The following AXDND1 variants were observed in gnomAD, a reference collection of about 807,000 sequenced individuals.
The protein encoded by AXDND1 is axonemal dynein light chain domain containing 1, also known as axonemal dynein light chain domain-containing protein 1.
In AXDND1, 110 loss-of-function variants were observed where a neutral mutation model predicts 137.5. The ratio of observed to expected loss-of-function variants is 0.80; its 90% CI spans 0.69 to 0.94. The LOEUF is 0.94. Among genes scored for constraint, AXDND1 ranks in the 40% least tolerant of loss-of-function variants. AXDND1 has a pLI of 0.00. For missense variants in AXDND1, 1,191 were observed against 1,169.8 expected, an observed-to-expected ratio of 1.02 and a Z score of -0.26; for synonymous variants, 414 against 399.7, an observed-to-expected ratio of 1.04 and a Z score of -0.43.
chr1:179,412,458 G>C (rs185950255), intron 12 of AXDND1, among the ~76,000 whole-genome samples: 91 of 152,238 alleles, frequency 6.0e-4, no homozygotes, highest in Middle Eastern at 6.8e-3. Flanking sequence ...TTAGAGCTCT[G>C]TATTAACCCT....
chr1:179,490,901 A>G (rs1209393850), intron 18 of AXDND1, among the ~76,000 whole-genome samples: 1 of 152,136 alleles, frequency 6.6e-6, no homozygotes, highest in Non-Finnish European at 1.5e-5. Flanking sequence ...GATGTTACAT[A>G]TTACTGTTAT....
In AXDND1 at chr1:179,385,259, T is replaced by C. The variant is rs746095759; in HGVS notation, c.763T>C (p.Leu255=). 53 of 1,610,476 alleles carry C rather than the reference T, an allele frequency of 3.3e-5. No individual in the cohort carries two copies. Among genetic ancestry groups the C allele is most frequent in the Admixed American group, 2.3e-4 (14 of 60,004 alleles). The change falls in exon 9 of 26, where the codon TTG becomes CTG. Residue 255 remains leucine, a synonymous_variant. Coordinates refer to ENST00000367618, the MANE Select transcript of AXDND1 (RefSeq NM_144696.6). ...PTKMHKLLHI[L]KKEQTIYNMI... is the part of the protein sequence containing the mutation. Reference sequence around the variant, plus strand: ...ACAGATGCACAAACTACTACATATATTGAAGAAGGAACAGACCATTTACAA... The same window carrying C: ...ACAGATGCACAAACTACTACATATACTGAAGAAGGAACAGACCATTTACAA...
At chr1:179,440,831 G>A (rs915947376) in intron 15 of AXDND1, among the ~76,000 whole-genome samples, 7 of 152,132 alleles carry the variant, frequency 4.6e-5, no homozygotes, top group Non-Finnish European at 2.9e-5. Context: ...CTATGCGACC[G>A]GCTACATTTA....
In AXDND1 at chr1:179,392,702, A is replaced by G. The variant is rs139268912; in HGVS notation, c.864-1201A>G. On this transcript the variant is annotated intron_variant, in intron 9 of 25. Transcript: ENST00000367618. ...GGGTGATATTTCATTGTAGTTTTAA[A>G]TTGCATTTTCTTGATAATTAGTGAT... Among the ~76,000 whole-genome samples, 1,414 of 152,106 alleles carry G rather than the reference A, an allele frequency of 9.3e-3. 12 individuals carry two copies. The highest frequency in any genetic ancestry group is 0.018 in the Admixed American group (275 of 15,272).
chr1:179,388,183 G>C (rs965421308), intron 9 of AXDND1, among the ~76,000 whole-genome samples: 6 of 152,174 alleles, frequency 3.9e-5, no homozygotes, highest in African/African-American at 1.2e-4. Context: ...CTGATATCCA[G>C]TGTCTTAAAA....
chr1:179,535,184 C>A, intron 25 of AXDND1: 1 of 590,070 alleles, frequency 1.7e-6, no homozygotes. Context: ...TAAAGTAGCT[C>A]AGATACAATT....
chr1:179,524,397 CT>C (rs373454550), intron 21 of AXDND1, among the ~76,000 whole-genome samples: 1 of 152,130 alleles, frequency 6.6e-6, no homozygotes, highest in African/African-American at 2.4e-5. Flanking sequence ...ACTGTCAGAT[CT>C]CTATTTTTAG....
At chr1:179,489,608 G>T (rs1558258663) in intron 18 of AXDND1, among the ~76,000 whole-genome samples, 1 of 152,132 alleles carries the variant, frequency 6.6e-6, no homozygotes, top group African/African-American at 2.4e-5. Flanking sequence ...CTCAGGAAAG[G>T]TTGCCCCTTT....
chr1:179,366,551 A>C lies in AXDND1; in HGVS notation c.42A>C (p.Thr14=). Residue 14 remains threonine, a synonymous_variant, in exon 2 of 26, where the codon ACA becomes ACC. Transcript: ENST00000367618. The part of the protein sequence containing the change: ...PKTPSTPLNS[T]STSESKKLKV... ...CGCCCTCCACCCCGCTAAACTCTAC[A>C]TCAACATCTGAGAGCAAAAAGTTAA... 1 of 1,613,816 alleles carries C rather than the reference A, an allele frequency of 6.2e-7. No individual in the cohort carries two copies. The highest frequency in any genetic ancestry group is 8.5e-7 in the Non-Finnish European group (1 of 1,179,826).
intron 6 of AXDND1, 47 bp from the exon 7 acceptor site, chr1:179,382,653 C>A: frequency 7.1e-7 from 1 of 1,408,218 alleles, no homozygotes; most frequent in Non-Finnish European, 1.0e-6. Context: ...GATAAACAGG[C>A]CAGAAAATTT....
At chr1:179,541,960 A>T (rs755705080) in intron 25 of AXDND1, among the ~76,000 whole-genome samples, 2 of 152,222 alleles carry the variant, frequency 1.3e-5, no homozygotes, top group Admixed American at 6.5e-5. Context: ...TATCAAATGC[A>T]AGAAACAGGA....
At position 179,491,725 on chromosome 1, in the gene AXDND1, G is replaced by A. The variant is rs1187725744; in HGVS notation, c.2279G>A (p.Ser760Asn). The A allele has an allele frequency of 6.4e-7, 1 of 1,557,928 alleles. No individual in the cohort carries two copies. Among genetic ancestry groups the A allele is most frequent in the African/African-American group, 1.4e-5 (1 of 72,380 alleles). Residue 760 changes from serine to asparagine, a missense_variant, in exon 19 of 26, where the codon AGC (serine) becomes AAC (asparagine). Coordinates refer to ENST00000367618, the MANE Select transcript of AXDND1 (RefSeq NM_144696.6). ...ELTRKLYQYS[S>N]YLSSCCKGMV... is the part of the protein sequence containing the mutation. ...ACAAGGAAGTTGTACCAATACTCCA[G>A]CTATTTGAGCAGGTGAAGCGGTTAT... is the stretch of plus-strand genomic sequence containing the variant.
At chr1:179,443,542 T>C (rs999928472) in intron 15 of AXDND1, among the ~76,000 whole-genome samples, 4 of 152,192 alleles carry the variant, frequency 2.6e-5, no homozygotes, top group African/African-American at 9.6e-5. Context: ...CTGTACCCAT[T>C]AAACTGTAAG....
chr1:179,379,796 CAAAAAAAA>C (rs5779022), intron 6 of AXDND1, among the ~76,000 whole-genome samples: 1 of 93,626 alleles, frequency 1.1e-5, no homozygotes. Context: ...AACTCCATCT[CAAAAAAAA>C]AAAAAAAAAA....
At chr1:179,500,278 T>A (rs535031514) in intron 20 of AXDND1, among the ~76,000 whole-genome samples, 3 of 150,608 alleles carry the variant, frequency 2.0e-5, no homozygotes, top group African/African-American at 7.3e-5. Flanking sequence ...ACCCAATTGA[T>A]AAAAAATTAA....
At chr1:179,407,415 C>T (rs1311729487) in intron 11 of AXDND1, among the ~76,000 whole-genome samples, 2 of 151,886 alleles carry the variant, frequency 1.3e-5, no homozygotes, top group Admixed American at 6.6e-5. Context: ...TTAGTAGAGA[C>T]GAGGTTTCAC....
intron 16 of AXDND1, among the ~76,000 whole-genome samples, chr1:179,467,931 T>A (rs1663426232): frequency 6.6e-6 from 1 of 152,092 alleles, no homozygotes; most frequent in Admixed American, 6.5e-5. Context: ...ATCAGTCCAC[T>A]GGACCCACAT....
intron 11 of AXDND1, among the ~76,000 whole-genome samples, chr1:179,402,518 C>A (rs1171621374): frequency 6.6e-6 from 1 of 152,174 alleles, no homozygotes; most frequent in Non-Finnish European, 1.5e-5. Flanking sequence ...TTTCTAAGGC[C>A]AATCTCTTGT....
intron 4 of AXDND1, among the ~76,000 whole-genome samples, chr1:179,373,576 A>G (rs1034671446): frequency 1.3e-5 from 2 of 152,188 alleles, no homozygotes; most frequent in African/African-American, 4.8e-5. Flanking sequence ...ACTTCAAACT[A>G]TACTACAAGG....
Sources: gnomAD v4.1 joint callset for allele counts (sites outside exome capture counted in the v4.1 genomes callset) on GRCh38, gnomAD v4.1.1 for gene constraint, MANE v1.5 for transcripts, NCBI Gene and HGNC (gene_info 2026-07-23, HGNC 2026-07-21) for gene names.